The following PRKAR2B variants were observed in gnomAD, a reference collection of about 807,000 sequenced individuals.
PRKAR2B encodes the protein cAMP-dependent protein kinase type II-beta regulatory subunit.
Under a neutral mutation model 49.9 loss-of-function variants are expected in PRKAR2B, and 14 were observed. The ratio of observed to expected loss-of-function variants is 0.28; its 90% CI spans 0.19 to 0.44. The LOEUF (loss-of-function observed/expected upper bound fraction) is 0.44. Among genes scored for constraint, PRKAR2B ranks in the 20% least tolerant of loss-of-function variants. The pLI, the probability that PRKAR2B is intolerant of heterozygous loss-of-function variation, is 1.00. For synonymous variants in PRKAR2B, 196 were observed against 197.7 expected (o/e 0.99, Z 0.07); for missense variants, 393 against 537.9 (o/e 0.73, Z 2.67).
chr7:107,074,975 C>T (rs1272521741), intron 2 of PRKAR2B, among the ~76,000 whole-genome samples: 1 of 151,820 alleles, frequency 6.6e-6, no homozygotes, highest in African/African-American at 2.4e-5. Context: ...CCCATTTTCT[C>T]TGTGAATTTG....
At chr7:107,115,367 T>C (rs994804635) in intron 2 of PRKAR2B, among the ~76,000 whole-genome samples, 11 of 152,236 alleles carry the variant, frequency 7.2e-5, no homozygotes, top group Non-Finnish European at 1.6e-4. Flanking sequence ...TACTATTTCA[T>C]GAACAGTGCC....
At chr7:107,108,764 T>G (rs1795121067) in intron 2 of PRKAR2B, among the ~76,000 whole-genome samples, 1 of 152,214 alleles carries the variant, frequency 6.6e-6, no homozygotes, top group African/African-American at 2.4e-5. Context: ...GAGCCCCAAT[T>G]TTTACTGAGC....
chr7:107,144,786 CTTTTT>C (rs11414978), intron 5 of PRKAR2B, among the ~76,000 whole-genome samples: 3 of 81,918 alleles, frequency 3.7e-5, no homozygotes, highest in Non-Finnish European at 4.5e-5. Flanking sequence ...TTAAAAGCCA[CTTTTT>C]TTTTTTTTTT....
chr7:107,046,073 A>G (rs2116740990), intron 1 of PRKAR2B, among the ~76,000 whole-genome samples: 1 of 152,338 alleles, frequency 6.6e-6, no homozygotes, highest in East Asian at 1.9e-4. Context: ...AATGGGAAAG[A>G]AAAAGGAATT....
intron 4 of PRKAR2B, among the ~76,000 whole-genome samples, chr7:107,140,113 T>G (rs2115635321): frequency 6.6e-6 from 1 of 152,362 alleles, no homozygotes; most frequent in East Asian, 1.9e-4. Context: ...ATTAAAGATT[T>G]CTTTCACCTC....
At chr7:107,075,686 T>A (rs1177284511) in intron 2 of PRKAR2B, among the ~76,000 whole-genome samples, 8 of 152,014 alleles carry the variant, frequency 5.3e-5, no homozygotes, top group African/African-American at 1.9e-4. Flanking sequence ...AGGTGTTGGA[T>A]GAGTTTAAGG....
intron 2 of PRKAR2B, among the ~76,000 whole-genome samples, chr7:107,120,689 A>G (rs1352486843): frequency 6.6e-6 from 1 of 152,142 alleles, no homozygotes. Flanking sequence ...AAGCAGTGAT[A>G]CTTCTGTGAT....
intron 4 of PRKAR2B, among the ~76,000 whole-genome samples, chr7:107,129,713 T>C (rs1237340937): frequency 6.6e-6 from 1 of 152,222 alleles, no homozygotes; most frequent in Admixed American, 6.5e-5. Context: ...CGAGAGCTGC[T>C]GGTTGCCCAT....
intron 5 of PRKAR2B, among the ~76,000 whole-genome samples, chr7:107,141,393 TA>T: frequency 6.6e-6 from 1 of 152,312 alleles, no homozygotes; most frequent in Non-Finnish European, 1.5e-5. Flanking sequence ...GCTCATGGTT[TA>T]AAAAATTCAA....
intron 3 of PRKAR2B, among the ~76,000 whole-genome samples, chr7:107,127,261 T>C (rs1228313967): frequency 3.3e-5 from 5 of 152,226 alleles, no homozygotes; most frequent in Admixed American, 2.0e-4. Context: ...TGGTCACTCT[T>C]TGAGTGAGCA....
chr7:107,106,396 G>A (rs1189085919), intron 2 of PRKAR2B, among the ~76,000 whole-genome samples: 1 of 152,064 alleles, frequency 6.6e-6, no homozygotes, highest in African/African-American at 2.4e-5. Flanking sequence ...AGAATCATTT[G>A]TTTATCCTCT....
At chr7:107,063,152 C>T (rs964855959) in intron 1 of PRKAR2B, among the ~76,000 whole-genome samples, 3 of 152,114 alleles carry the variant, frequency 2.0e-5, no homozygotes, top group African/African-American at 7.2e-5. Flanking sequence ...TACAGGTGTG[C>T]ACCACCATGC....
intron 2 of PRKAR2B, among the ~76,000 whole-genome samples, chr7:107,099,292 G>T (rs1794909370): frequency 6.6e-6 from 1 of 152,182 alleles, no homozygotes; most frequent in Non-Finnish European, 1.5e-5. Flanking sequence ...GATTGAGGCT[G>T]TGTGGGTGTT....
At chr7:107,066,460 T>C (rs1441767409) in intron 1 of PRKAR2B, 1 of 152,236 alleles carries the variant, frequency 6.6e-6, no homozygotes, top group Non-Finnish European at 1.5e-5. Flanking sequence ...TTTGTATTGC[T>C]GTGTATTTTT....
intron 2 of PRKAR2B, among the ~76,000 whole-genome samples, chr7:107,071,645 G>C (rs761819131): frequency 6.6e-6 from 1 of 152,208 alleles, no homozygotes; most frequent in Non-Finnish European, 1.5e-5. Context: ...TTGTCTTCAT[G>C]AGGTGAAATT....
chr7:107,086,871 G>A (rs1430764172), intron 2 of PRKAR2B, among the ~76,000 whole-genome samples: 1 of 152,158 alleles, frequency 6.6e-6, no homozygotes, highest in Non-Finnish European at 1.5e-5. Flanking sequence ...TTCCTGGAAT[G>A]AACTCTGCTT....
rs748209756 is a variant in PRKAR2B, at chr7:107,044,859, G to C, written c.-49G>C. The C allele has an allele frequency of 5.3e-6, 8 of 1,512,366 alleles. No individual in the cohort carries two copies. Among genetic ancestry groups the C allele is most frequent in the Middle Eastern group, 2.1e-4 (1 of 4,674 alleles). The allele number at this position is 1,512,366 out of a possible 1,614,324, so 93.7% of individuals were successfully genotyped here. Reference sequence around the variant, plus strand: ...CAGCCGCGGGGCCCTAGGCCGTGCCGGGGAGGGGGCGAGGGCGGCGCCCAG... The same window carrying C: ...CAGCCGCGGGGCCCTAGGCCGTGCCCGGGAGGGGGCGAGGGCGGCGCCCAG... On this transcript the variant is annotated 5_prime_UTR_variant, in exon 1 of 11. Coordinates refer to ENST00000265717, the MANE Select transcript of PRKAR2B (RefSeq NM_002736.3).
intron 2 of PRKAR2B, among the ~76,000 whole-genome samples, chr7:107,082,563 A>G (rs7778076): frequency 0.12 from 18,709 of 152,224 alleles, 1,367 homozygotes; most frequent in African/African-American, 0.2. Flanking sequence ...GTTAAGTGAA[A>G]TTAAAATTTT....
intron 7 of PRKAR2B, among the ~76,000 whole-genome samples, chr7:107,151,230 T>A (rs554065932): frequency 1.5e-4 from 23 of 152,374 alleles, no homozygotes; most frequent in African/African-American, 5.5e-4. Flanking sequence ...TTGAAAGTAA[T>A]ACATTCCTAC....
Sources: gnomAD v4.1 joint callset for allele counts (sites outside exome capture counted in the v4.1 genomes callset) on GRCh38, gnomAD v4.1.1 for gene constraint, MANE v1.5 for transcripts, NCBI Gene and HGNC (gene_info 2026-07-23, HGNC 2026-07-21) for gene names.